Variants in LRIG1 observed in about 807,000 individuals in gnomAD.
LRIG1 encodes the protein leucine-rich repeats and immunoglobulin-like domains protein 1.
LRIG1 carries 48 observed loss-of-function variants against 99.2 expected under a neutral mutation model. That is an observed-to-expected ratio of 0.48 (90% CI 0.38 to 0.62). The LOEUF (loss-of-function observed/expected upper bound fraction) is 0.62. LRIG1 is among the 20% of genes least tolerant of loss of function. LRIG1 has a pLI of 0.00. For synonymous variants in LRIG1, 772 were observed against 596.1 expected (o/e 1.29, Z -4.30); for missense variants, 1,646 against 1,434.4 (o/e 1.15, Z -2.38).
chr3:66,425,820 C>G (rs772026532), intron 3 of LRIG1, among the ~76,000 whole-genome samples: 117 of 152,172 alleles, frequency 7.7e-4, no homozygotes, highest in Non-Finnish European at 1.3e-3. Context: ...GTCTATTAAA[C>G]CAACACCTGT....
chr3:66,467,657 A>G (rs370882001), intron 1 of LRIG1, among the ~76,000 whole-genome samples: 18 of 152,352 alleles, frequency 1.2e-4, no homozygotes, highest in African/African-American at 4.1e-4. Flanking sequence ...CACCACGCCC[A>G]GCCCACATTA....
chr3:66,468,831 T>G (rs1031038505), intron 1 of LRIG1, among the ~76,000 whole-genome samples: 3 of 152,226 alleles, frequency 2.0e-5, no homozygotes, highest in African/African-American at 7.2e-5. Flanking sequence ...TCCTTTAAGC[T>G]TTTAAGACTG....
Position 66,383,884 on chromosome 3 carries a change from C to T in LRIG1, c.2071+107G>A, listed in dbSNP as rs967749150. 59 of 1,445,018 alleles carry T rather than the reference C, an allele frequency of 4.1e-5. No individual in the cohort carries two copies. The Admixed American group carries it at 7.3e-4, about 18-fold the overall frequency. 89.5% of individuals were successfully genotyped at this position (1,445,018 alleles called of 1,614,324 possible). ...AGCAGCCCCAAATTTCAAACAGGGT[C>T]GAAAGGCCCACAACGCATACCACCC... On this transcript the variant is annotated intron_variant, in intron 14 of 18. Transcript: ENST00000273261.
At chr3:66,478,946 GA>G (rs1203148685) in intron 1 of LRIG1, among the ~76,000 whole-genome samples, 1 of 152,094 alleles carries the variant, frequency 6.6e-6, no homozygotes, top group Admixed American at 6.6e-5. Context: ...TGCTCTAAAG[GA>G]AACCACTGCA....
At chr3:66,445,698 A>C (rs1703693402) in intron 3 of LRIG1, among the ~76,000 whole-genome samples, 1 of 152,244 alleles carries the variant, frequency 6.6e-6, no homozygotes, top group Non-Finnish European at 1.5e-5. Context: ...TTATTATGCC[A>C]GTGAAGGATG....
chr3:66,381,657 G>C (rs1025655483), intron 16 of LRIG1, 26 bp from the exon 17 acceptor site: 2 of 1,604,522 alleles, frequency 1.2e-6, no homozygotes, highest in Non-Finnish European at 8.5e-7. Flanking sequence ...AACACGATTA[G>C]AAACTCTGGG....
intron 13 of LRIG1, among the ~76,000 whole-genome samples, chr3:66,385,250 A>G (rs1293593047): frequency 6.6e-6 from 1 of 152,124 alleles, no homozygotes; most frequent in Non-Finnish European, 1.5e-5. Flanking sequence ...TGTGTCTTTC[A>G]GGCCAGGGCT....
intron 11 of LRIG1, among the ~76,000 whole-genome samples, chr3:66,396,631 G>C (rs1003963582): frequency 3.3e-5 from 5 of 152,226 alleles, no homozygotes; most frequent in Non-Finnish European, 2.9e-5. Context: ...GCAGAAGCAC[G>C]CTGGAGGTCC....
In LRIG1 at chr3:66,383,304, G is replaced by A. The variant is rs1459571741; in HGVS notation, c.2169C>T (p.Arg723=). The A allele has an allele frequency of 1.2e-6, 2 of 1,609,402 alleles. No homozygotes were observed. Among genetic ancestry groups the A allele is most frequent in the Non-Finnish European group, 8.5e-7 (1 of 1,176,094 alleles). Residue 723 remains arginine (R), a synonymous_variant, in exon 15 of 19, where the codon CGC becomes CGT. Transcript: ENST00000273261. ...QCKATGNPPP[R]ITWFKGDRPL... is the part of the protein sequence containing the mutation. ...GGCGGTCCCCCTTGAACCAGGTGAT[G>A]CGGGGCGGAGGGTTCCCCGTGGCTT... is the stretch of plus-strand genomic sequence containing the variant.
At chr3:66,493,530 T>C (rs1457609448) in intron 1 of LRIG1, among the ~76,000 whole-genome samples, 1 of 152,204 alleles carries the variant, frequency 6.6e-6, no homozygotes, top group African/African-American at 2.4e-5. Flanking sequence ...GGCCGCTTCA[T>C]ACATATCACC....
intron 3 of LRIG1, among the ~76,000 whole-genome samples, chr3:66,433,136 C>G (rs1181690319): frequency 1.3e-5 from 2 of 152,202 alleles, no homozygotes; most frequent in Admixed American, 1.3e-4. Flanking sequence ...GAACTGAGCA[C>G]TCTCCAGGGA....
At chr3:66,469,518 G>A (rs1235533642) in intron 1 of LRIG1, among the ~76,000 whole-genome samples, 1 of 152,148 alleles carries the variant, frequency 6.6e-6, no homozygotes, top group African/African-American at 2.4e-5. Context: ...GACGTTAACT[G>A]AGAGAAGAAA....
intron 1 of LRIG1, among the ~76,000 whole-genome samples, chr3:66,479,663 T>C (rs1266559821): frequency 2.0e-5 from 3 of 152,186 alleles, no homozygotes; most frequent in Non-Finnish European, 4.4e-5. Flanking sequence ...AAAGAAGATA[T>C]ACACATGGTC....
At chr3:66,425,296 A>G (rs993052046) in intron 3 of LRIG1, among the ~76,000 whole-genome samples, 57 of 152,174 alleles carry the variant, frequency 3.7e-4, no homozygotes, top group Admixed American at 2.8e-3. Context: ...TTCTCAGTCA[A>G]CTCAGCCTGT....
chr3:66,404,243 C>T (rs1449211660), intron 9 of LRIG1: 1 of 1,289,246 alleles, frequency 7.8e-7, no homozygotes, highest in Non-Finnish European at 1.0e-6. Flanking sequence ...ACCACAGGCT[C>T]TCCTCTATCA....
Position 66,394,060 on chromosome 3 carries a change from G to A in LRIG1, c.1448C>T (p.Pro483Leu), listed in dbSNP as rs768828634. ...SLKGQSIFSV[P>L]PESFVCDDFL... Reference sequence around the variant, plus strand: ...CTTACCGCACACGAAACTCTCTGGTGGCACAGAGAAAATGCTCTGACCCTT... The same window carrying A: ...CTTACCGCACACGAAACTCTCTGGTAGCACAGAGAAAATGCTCTGACCCTT... The change falls in exon 12 of 19, where the codon CCA (proline) becomes CTA (leucine). Residue 483 changes from proline to leucine, a missense_variant. Physicochemically the swap from Pro to Leu is moderately conservative, Grantham distance 98. Transcript: ENST00000273261. The A allele has an allele frequency of 6.8e-6, 11 of 1,613,966 alleles. No homozygotes were observed. Among genetic ancestry groups the A allele is most frequent in the Middle Eastern group, 1.6e-4 (1 of 6,084 alleles).
intron 7 of LRIG1, 147 bp downstream of exon 7, chr3:66,409,981 TG>T: frequency 1.4e-6 from 1 of 729,832 alleles, no homozygotes; most frequent in Non-Finnish European, 2.2e-6. Flanking sequence ...GGTTCCACCC[TG>T]GGCCTGGCTG....
In LRIG1 at chr3:66,378,923, A is replaced by G. The variant is rs984883063; in HGVS notation, c.*1340T>C. The G allele has an allele frequency of 6.5e-6, 1 of 152,686 alleles. No individual in the cohort carries two copies. The highest frequency in any genetic ancestry group is 6.5e-5 in the Admixed American group (1 of 15,284). The allele number at this position is 152,686 out of a possible 1,614,324, so 9.5% of individuals were successfully genotyped here. Reference sequence around the variant, plus strand: ...ATAAATAAATAACTTTGTACATAAAAGTAATACTCCCTCTTTCACATTGCC... The same window carrying G: ...ATAAATAAATAACTTTGTACATAAAGGTAATACTCCCTCTTTCACATTGCC... On this transcript the variant is annotated 3_prime_UTR_variant, in exon 19 of 19. Transcript: ENST00000273261.
intron 3 of LRIG1, among the ~76,000 whole-genome samples, chr3:66,435,980 G>A (rs944077334): frequency 3.9e-5 from 6 of 152,168 alleles, no homozygotes; most frequent in African/African-American, 1.4e-4. Flanking sequence ...GTATGACTGA[G>A]GTCTCAGAGC....
Sources: allele counts gnomAD v4.1 joint callset (sites outside exome capture counted in the v4.1 genomes callset), GRCh38; gene constraint gnomAD v4.1.1; transcripts MANE v1.5; gene names NCBI Gene and HGNC (gene_info 2026-07-23, HGNC 2026-07-21).